The following DIP2B variants were observed in gnomAD, a reference collection of about 807,000 sequenced individuals.
The protein encoded by DIP2B is DIP2 acetate--CoA ligase B (putative).
A neutral mutation model predicts 198.0 loss-of-function variants in DIP2B; 76 were observed. That is an observed-to-expected ratio of 0.38 (90% CI 0.32 to 0.46). The LOEUF (loss-of-function observed/expected upper bound fraction) is 0.46. Ranked by LOEUF, DIP2B falls within the 20% of genes least tolerant of loss-of-function variation. The pLI is 0.99. For missense variants in DIP2B, 1,559 were observed against 1,978.4 expected, an observed-to-expected ratio of 0.79 and a Z score of 4.02; for synonymous variants, 701 against 739.1, an observed-to-expected ratio of 0.95 and a Z score of 0.84.
chr12:50,616,216 T>A (rs1446964659), intron 1 of DIP2B, among the ~76,000 whole-genome samples: 1 of 152,246 alleles, frequency 6.6e-6, no homozygotes, highest in East Asian at 1.9e-4. Context: ...ATTCTCTAGT[T>A]CTTGACATGG....
intron 10 of DIP2B, among the ~76,000 whole-genome samples, 189 bp from the exon 11 acceptor site, chr12:50,685,644 A>G (rs1939118337): frequency 6.6e-6 from 1 of 152,256 alleles, no homozygotes. Context: ...ATTTGTGCTC[A>G]GGAAATGTTT....
chr12:50,727,316 T>C (rs530660715), intron 28 of DIP2B, among the ~76,000 whole-genome samples: 6 of 152,218 alleles, frequency 3.9e-5, no homozygotes, highest in Non-Finnish European at 8.8e-5. Flanking sequence ...CCAACAGTTC[T>C]ATGAGGGTAG....
chr12:50,638,842 C>G (rs1252339970), intron 2 of DIP2B, among the ~76,000 whole-genome samples: 1 of 145,560 alleles, frequency 6.9e-6, no homozygotes, highest in Non-Finnish European at 1.5e-5. Context: ...ATCTGAAATG[C>G]TTGGGACTAG....
chr12:50,626,292 G>C (rs139530281), intron 2 of DIP2B, among the ~76,000 whole-genome samples: 76 of 152,278 alleles, frequency 5.0e-4, no homozygotes, highest in African/African-American at 1.7e-3. Context: ...GTGTGTGAAA[G>C]ACTATGCATA....
At chr12:50,521,494 T>C (rs985841389) in intron 1 of DIP2B, among the ~76,000 whole-genome samples, 30 of 143,182 alleles carry the variant, frequency 2.1e-4, no homozygotes, top group Admixed American at 5.5e-4. Context: ...TCTTTCTTTT[T>C]TTTTTTTTTT....
intron 1 of DIP2B, among the ~76,000 whole-genome samples, chr12:50,519,910 T>C (rs1188355715): frequency 6.6e-6 from 1 of 151,860 alleles, no homozygotes; most frequent in African/African-American, 2.4e-5. Flanking sequence ...TTTTTTTTTC[T>C]TTTTCTTTCT....
chr12:50,632,279 A>G (rs1938070431), intron 2 of DIP2B, among the ~76,000 whole-genome samples: 1 of 151,918 alleles, frequency 6.6e-6, no homozygotes, highest in Non-Finnish European at 1.5e-5. Context: ...TGGGAGTTCA[A>G]GACCAGCCTG....
chr12:50,730,827 A>AG (rs1940029746), intron 30 of DIP2B, among the ~76,000 whole-genome samples: 1 of 145,526 alleles, frequency 6.9e-6, no homozygotes, highest in East Asian at 2.5e-4. Context: ...TCATTCTTCA[A>AG]GCTGCAGCTC....
In DIP2B at chr12:50,692,971, AGACTTT is replaced by A. The variant is rs1185778048; in HGVS notation, c.1678_1683del (p.Asp560_Phe561del). On this transcript the variant is annotated inframe_deletion, in exon 14 of 38. Transcript: ENST00000301180. ...TAGGGGAAACAATAGTAAATGTCTT[AGACTTT>A]AAGAAGGATGCTGGGCTGTGGCACG... 1 of 1,610,806 alleles carries A rather than the reference AGACTTT, an allele frequency of 6.2e-7. No homozygotes were observed. Among genetic ancestry groups the A allele is most frequent in the Non-Finnish European group, 8.5e-7 (1 of 1,179,216 alleles).
At chr12:50,675,540 A>G in intron 7 of DIP2B, 92 bp downstream of exon 7, 1 of 1,250,118 alleles carries the variant, frequency 8.0e-7, no homozygotes, top group Non-Finnish European at 1.1e-6. Context: ...TAAAGAATGA[A>G]CAAGACACAG....
At chr12:50,601,353 G>GTT (rs879274043) in intron 1 of DIP2B, among the ~76,000 whole-genome samples, 1 of 146,460 alleles carries the variant, frequency 6.8e-6, no homozygotes, top group Admixed American at 6.8e-5. Flanking sequence ...TTGTTTGTTT[G>GTT]TTTTTTTTTT....
At chr12:50,541,065 C>G (rs988926799) in intron 1 of DIP2B, among the ~76,000 whole-genome samples, 1 of 152,116 alleles carries the variant, frequency 6.6e-6, no homozygotes, top group Non-Finnish European at 1.5e-5. Flanking sequence ...CATTAACACT[C>G]TTTTCCTTTG....
At chr12:50,593,724 T>TCC (rs1958843721) in intron 1 of DIP2B, among the ~76,000 whole-genome samples, 2 of 3,604 alleles carry the variant, frequency 5.5e-4, no homozygotes, top group Non-Finnish European at 8.4e-4. Context: ...TCCTCTCCTC[T>TCC]CCTCTCCTCT....
intron 1 of DIP2B, among the ~76,000 whole-genome samples, chr12:50,568,240 T>G (rs1958582980): frequency 6.6e-6 from 1 of 152,198 alleles, no homozygotes; most frequent in Non-Finnish European, 1.5e-5. Flanking sequence ...TATGCAAGCT[T>G]GGAGGTCAGC....
intron 1 of DIP2B, among the ~76,000 whole-genome samples, chr12:50,598,392 T>TTCC (rs1415607484): frequency 6.6e-6 from 1 of 152,018 alleles, no homozygotes; most frequent in Non-Finnish European, 1.5e-5. Flanking sequence ...CTGCCTTCTG[T>TTCC]TCCTCCCTCA....
chr12:50,623,786 C>T (rs1327446977), intron 1 of DIP2B, among the ~76,000 whole-genome samples: 6 of 152,192 alleles, frequency 3.9e-5, no homozygotes, highest in Non-Finnish European at 5.9e-5. Flanking sequence ...ATCCTCAGCA[C>T]TGCTGGCATT....
At chr12:50,532,344 G>A (rs956330856) in intron 1 of DIP2B, among the ~76,000 whole-genome samples, 5 of 151,966 alleles carry the variant, frequency 3.3e-5, no homozygotes, top group Non-Finnish European at 7.4e-5. Flanking sequence ...GTGAAACCGC[G>A]TGTCTACTAA....
At chr12:50,532,388 G>A (rs749127277) in intron 1 of DIP2B, among the ~76,000 whole-genome samples, 2 of 152,108 alleles carry the variant, frequency 1.3e-5, no homozygotes, top group Admixed American at 6.6e-5. Flanking sequence ...GGTGGCATGC[G>A]CCTGTAATCC....
intron 1 of DIP2B, among the ~76,000 whole-genome samples, chr12:50,547,176 G>C (rs1958384934): frequency 6.6e-6 from 1 of 152,078 alleles, no homozygotes; most frequent in Non-Finnish European, 1.5e-5. Flanking sequence ...CAATAAACTT[G>C]TATGTTTAAC....
Sources: allele counts gnomAD v4.1 joint callset (sites outside exome capture counted in the v4.1 genomes callset), GRCh38; gene constraint gnomAD v4.1.1; transcripts MANE v1.5; gene names NCBI Gene and HGNC (gene_info 2026-07-23, HGNC 2026-07-21).